Variants in TAF15 observed in about 807,000 individuals in gnomAD.
The protein encoded by TAF15 is TATA-binding protein-associated factor 2N.
Under a neutral mutation model 102.5 loss-of-function variants are expected in TAF15, and 37 were observed. The ratio of observed to expected loss-of-function variants is 0.36; its 90% confidence interval spans 0.28 to 0.47. The LOEUF is 0.47. Among genes scored for constraint, TAF15 ranks in the 20% least tolerant of loss-of-function variants. The pLI is 0.99. For synonymous variants in TAF15, 273 were observed against 259.2 expected (o/e 1.05, Z -0.51); for missense variants, 652 against 760.7 (o/e 0.86, Z 1.68).
At position 35,842,466 on chromosome 17, in the gene TAF15, TC is replaced by T; in HGVS notation, c.1006+9del. 1 of 1,608,020 alleles carries T rather than the reference TC, an allele frequency of 6.2e-7. No homozygotes were observed. Among genetic ancestry groups the T allele is most frequent in the Non-Finnish European group, 8.5e-7 (1 of 1,174,550 alleles). Reference sequence around the variant, plus strand: ...AGTGGAGGTGGGCGGCGAGGTAAGATCCTTGCTGCGTACAGTCCTGGATACT... The same window carrying T: ...AGTGGAGGTGGGCGGCGAGGTAAGATCTTGCTGCGTACAGTCCTGGATACT... On this transcript the variant is annotated splice_region_variant and intron_variant, in intron 12 of 15. Transcript: ENST00000605844.
intron 1 of TAF15, chr17:35,816,862 G>A (rs1331031232): frequency 2.7e-5 from 3 of 112,034 alleles, no homozygotes; most frequent in African/African-American, 7.2e-5. Context: ...TCATTCAGTC[G>A]TGCAGGCTGG....
chr17:35,839,538 C>T (rs374139874), intron 11 of TAF15, among the ~76,000 whole-genome samples: 3 of 151,850 alleles, frequency 2.0e-5, no homozygotes, highest in Admixed American at 6.6e-5. Flanking sequence ...CCCGCCACCA[C>T]GCCCTGCTAA....
intron 10 of TAF15, among the ~76,000 whole-genome samples, chr17:35,837,524 G>A (rs771674443): frequency 6.6e-6 from 1 of 150,756 alleles, no homozygotes; most frequent in Admixed American, 6.6e-5. Flanking sequence ...CCAGTGTAAC[G>A]TTTTAGAAGT....
chr17:35,809,592 A>G lies in TAF15; in HGVS notation c.7+16A>G, dbSNP rs779635780. 3 of 1,613,252 alleles carry G rather than the reference A, an allele frequency of 1.9e-6. No homozygotes were observed. The highest frequency in any genetic ancestry group is 1.7e-6 in the Non-Finnish European group (2 of 1,179,826). ...GTCATGTCGGGTAGGTGACTTCTTC[A>G]GCGAGCAGCGGCAGCGACGAGAAGG... On this transcript the variant is annotated intron_variant, in intron 1 of 15. Coordinates refer to ENST00000605844, the MANE Select transcript of TAF15 (RefSeq NM_139215.3).
Position 35,846,920 on chromosome 17 carries a change from A to G in TAF15, c.1754A>G (p.Asn585Ser), listed in dbSNP as rs2087629995. 1 of 1,614,232 alleles carries G rather than the reference A, an allele frequency of 6.2e-7. No individual in the cohort carries two copies. The highest frequency in any genetic ancestry group is 8.5e-7 in the Non-Finnish European group (1 of 1,180,042). The stretch of plus-strand genomic sequence containing the variant: ...TTCATTCCTAGAAACGACTACAGAA[A>G]TGATCAGCGCAACCGACCATACTGA... ...GKMGGRNDYR[N>S]DQRNRPY The change falls in exon 16 of 16, where the codon AAT becomes AGT. Residue 585 changes from asparagine to serine, a missense_variant. Coordinates refer to ENST00000605844, the MANE Select transcript of TAF15 (RefSeq NM_139215.3).
At chr17:35,838,968 T>C (rs1029089455) in intron 11 of TAF15, among the ~76,000 whole-genome samples, 1 of 152,140 alleles carries the variant, frequency 6.6e-6, no homozygotes, top group African/African-American at 2.4e-5. Context: ...CCCCTGACTT[T>C]ATAGTTTGAA....
chr17:35,838,357 TTATC>T (rs770390228), intron 10 of TAF15, 63 bp from the exon 11 acceptor site: 22 of 1,593,122 alleles, frequency 1.4e-5, no homozygotes, highest in Non-Finnish European at 1.8e-5. Context: ...AAATCTTTGA[TTATC>T]TAAATGATAC....
In TAF15 at chr17:35,809,542, T is replaced by C. The variant is rs1483275097; in HGVS notation, c.-28T>C. The C allele has an allele frequency of 6.2e-7, 1 of 1,612,916 alleles. No homozygotes were observed. Among genetic ancestry groups the C allele is most frequent in the Admixed American group, 1.7e-5 (1 of 59,996 alleles). Reference sequence around the variant, plus strand: ...CGTATTCGTTGTTCTCGGCGGGCTGTGGGGCCTCCGCGCCGCGGCCGTTAG... The same window carrying C: ...CGTATTCGTTGTTCTCGGCGGGCTGCGGGGCCTCCGCGCCGCGGCCGTTAG... On this transcript the variant is annotated 5_prime_UTR_variant, in exon 1 of 16. Transcript: ENST00000605844.
At chr17:35,816,733 A>G (rs2087199543) in intron 1 of TAF15, 2 of 150,382 alleles carry the variant, frequency 1.3e-5, no homozygotes, top group Non-Finnish European at 3.0e-5. Flanking sequence ...AATTTTTGAT[A>G]TGATTGACAT....
chr17:35,842,561 C>A, intron 12 of TAF15, 102 bp downstream of exon 12: 3 of 901,816 alleles, frequency 3.3e-6, no homozygotes, highest in South Asian at 2.9e-5. Flanking sequence ...CTTTTTCTCT[C>A]GCTAGGTCTT....
chr17:35,836,051 A>G (rs2087470505), intron 9 of TAF15, 81 bp from the exon 10 acceptor site: 1 of 995,488 alleles, frequency 1.0e-6, no homozygotes, highest in Non-Finnish European at 1.6e-6. Flanking sequence ...ATATTGGACA[A>G]TAAATTATTG....
intron 11 of TAF15, among the ~76,000 whole-genome samples, chr17:35,839,410 C>T (rs9900473): frequency 0.16 from 16,851 of 106,252 alleles, 1,259 homozygotes; most frequent in Middle Eastern, 0.38. Context: ...GAGACGGAGT[C>T]TCGCTTTGTC....
At chr17:35,829,850 A>G (rs187954529) in intron 7 of TAF15, among the ~76,000 whole-genome samples, 33 of 152,082 alleles carry the variant, frequency 2.2e-4, no homozygotes, top group African/African-American at 8.0e-4. Context: ...GGTCAAGAAT[A>G]TGCAACTGGC....
In TAF15 at chr17:35,836,205, A is replaced by G; in HGVS notation, c.747A>G (p.Gln249=). The G allele has an allele frequency of 1.2e-6, 2 of 1,613,312 alleles. No individual in the cohort carries two copies. Among genetic ancestry groups the G allele is most frequent in the Non-Finnish European group, 1.7e-6 (2 of 1,179,366 alleles). Reference sequence around the variant, plus strand: ...TTGGGGAGGGTGTGTCTACAGATCAAGTTGGGGAGTTCTTTAAACAAATAG... The same window carrying G: ...TTGGGGAGGGTGTGTCTACAGATCAGGTTGGGGAGTTCTTTAAACAAATAG... ...QGLGEGVSTD[Q]VGEFFKQIGI... Residue 249 remains glutamine, a synonymous_variant, in exon 10 of 16, where the codon CAA becomes CAG. Coordinates refer to ENST00000605844, the MANE Select transcript of TAF15 (RefSeq NM_139215.3).
At chr17:35,822,542 C>T (rs1229835987) in intron 5 of TAF15, 98 bp from the exon 6 acceptor site, 5 of 1,110,542 alleles carry the variant, frequency 4.5e-6, no homozygotes, top group Middle Eastern at 2.8e-4. Flanking sequence ...TGGTTAATGT[C>T]TCTAACTGGT....
intron 2 of TAF15, chr17:35,818,760 G>C (rs2087224083): frequency 6.6e-6 from 1 of 151,632 alleles, no homozygotes; most frequent in South Asian, 2.1e-4. Flanking sequence ...GTTACAATGA[G>C]TTATGACCAT....
At chr17:35,840,110 C>T (rs752808517) in intron 11 of TAF15, among the ~76,000 whole-genome samples, 13 of 152,088 alleles carry the variant, frequency 8.5e-5, no homozygotes, top group Non-Finnish European at 8.8e-5. Flanking sequence ...GTCGCAGAGT[C>T]AGGATTCAAA....
intron 7 of TAF15, among the ~76,000 whole-genome samples, chr17:35,832,687 G>T (rs183906403): frequency 3.3e-5 from 5 of 152,252 alleles, no homozygotes; most frequent in Non-Finnish European, 1.5e-5. Flanking sequence ...CAGAAAACTT[G>T]AGTGTTTTTA....
At chr17:35,824,600 A>G (rs1036547490) in intron 7 of TAF15, among the ~76,000 whole-genome samples, 3 of 152,216 alleles carry the variant, frequency 2.0e-5, no homozygotes, top group East Asian at 1.9e-4. Context: ...TTAATCTCCA[A>G]TCTCCTTGGG....
Sources: allele counts gnomAD v4.1 joint callset (sites outside exome capture counted in the v4.1 genomes callset), GRCh38; gene constraint gnomAD v4.1.1; transcripts MANE v1.5; gene names NCBI Gene and HGNC (gene_info 2026-07-23, HGNC 2026-07-21).